Variants in TRPC4 observed in about 807,000 individuals in gnomAD.
TRPC4 encodes the protein short transient receptor potential channel 4.
TRPC4 carries 49 observed loss-of-function variants against 99.4 expected under a neutral mutation model. The observed-to-expected ratio is 0.49, with a 90% CI of 0.39 to 0.63. TRPC4 has a LOEUF of 0.63. TRPC4 is among the 20% of genes least tolerant of loss of function. The probability of loss-of-function intolerance (pLI) is 0.00; values close to 1 mark genes in which losing one functional copy is unlikely to be tolerated. For missense variants in TRPC4, 898 were observed against 1,152.9 expected, an observed-to-expected ratio of 0.78 and a Z score of 3.20; for synonymous variants, 454 against 425.9, an observed-to-expected ratio of 1.07 and a Z score of -0.81.
intron 3 of TRPC4, among the ~76,000 whole-genome samples, chr13:37,696,932 T>A (rs1490658514): frequency 6.6e-6 from 1 of 151,336 alleles, no homozygotes; most frequent in East Asian, 1.9e-4. Context: ...TTTTTTTTTT[T>A]TAAATCTTTT....
chr13:37,799,317 C>T (rs951064271), intron 1 of TRPC4, among the ~76,000 whole-genome samples: 6 of 152,056 alleles, frequency 3.9e-5, no homozygotes, highest in African/African-American at 1.4e-4. Context: ...CCAACTTGCC[C>T]GTTACTAATT....
intron 3 of TRPC4, among the ~76,000 whole-genome samples, chr13:37,742,075 A>G (rs898602722): frequency 2.6e-5 from 4 of 152,138 alleles, no homozygotes; most frequent in Non-Finnish European, 5.9e-5. Context: ...CTGCTAATAT[A>G]TGATCAGTAC....
chr13:37,800,462 G>T (rs2139428944), intron 1 of TRPC4, among the ~76,000 whole-genome samples: 1 of 152,238 alleles, frequency 6.6e-6, no homozygotes, highest in South Asian at 2.1e-4. Context: ...TAGGTTCATA[G>T]TTTACAAGAG....
chr13:37,729,026 A>G (rs1955158852), intron 3 of TRPC4, among the ~76,000 whole-genome samples: 1 of 152,138 alleles, frequency 6.6e-6, no homozygotes, highest in African/African-American at 2.4e-5. Context: ...TTAACTCAAA[A>G]TGAATCAAAG....
rs1334642600 is a variant in TRPC4 at position 37,745,528 on chromosome 13, G to GTA, written c.897+407_897+408dup. 3.8e-4 allele frequency among the ~76,000 whole-genome samples: 28 copies of GTA among 72,874 alleles called. 1 individual carries two copies. Among genetic ancestry groups the GTA allele is most frequent in the East Asian group, 7.6e-4 (1 of 1,324 alleles). 47.8% of individuals were successfully genotyped at this position (72,874 alleles called of 152,430 possible). ...TATATGTATATATATACGTATATAT[G>GTA]TATATATACGTATATATATATATAT... On this transcript the variant is annotated intron_variant, in intron 3 of 10. Transcript: ENST00000379705.
intron 4 of TRPC4, among the ~76,000 whole-genome samples, chr13:37,686,353 T>C (rs1406544698): frequency 2.6e-5 from 4 of 152,242 alleles, no homozygotes; most frequent in East Asian, 1.9e-4. Flanking sequence ...TATATGTGTC[T>C]GTATGTACCT....
At chr13:37,807,654 A>T (rs1957561523) in intron 1 of TRPC4, among the ~76,000 whole-genome samples, 1 of 152,068 alleles carries the variant, frequency 6.6e-6, no homozygotes, top group Non-Finnish European at 1.5e-5. Context: ...TCTAAAGCAT[A>T]AAGGGAATAA....
At chr13:37,798,462 T>C (rs1336973639) in intron 1 of TRPC4, among the ~76,000 whole-genome samples, 2 of 152,214 alleles carry the variant, frequency 1.3e-5, no homozygotes, top group Non-Finnish European at 2.9e-5. Context: ...AAATTATTTA[T>C]TCCTCAGGGG....
At chr13:37,837,020 A>G (rs1958585130) in intron 1 of TRPC4, among the ~76,000 whole-genome samples, 2 of 152,198 alleles carry the variant, frequency 1.3e-5, no homozygotes, top group Non-Finnish European at 2.9e-5. Context: ...AGCTCAGGCC[A>G]TGGCTTCACA....
At chr13:37,846,661 T>C (rs1037543020) in intron 1 of TRPC4, among the ~76,000 whole-genome samples, 3 of 149,662 alleles carry the variant, frequency 2.0e-5, no homozygotes, top group African/African-American at 7.4e-5. Context: ...AAAAAACATA[T>C]AAAATAATCA....
chr13:37,804,590 A>G (rs989825238), intron 1 of TRPC4, among the ~76,000 whole-genome samples: 33 of 152,252 alleles, frequency 2.2e-4, no homozygotes, highest in African/African-American at 7.2e-4. Flanking sequence ...TATTATTTTC[A>G]TGTCTCACTT....
chr13:37,867,683 A>G (rs1959854025), intron 1 of TRPC4, among the ~76,000 whole-genome samples: 1 of 152,230 alleles, frequency 6.6e-6, no homozygotes, highest in South Asian at 2.1e-4. Flanking sequence ...TAGTTATTAC[A>G]GTGAAGTTTA....
At chr13:37,640,317 G>C (rs1566060560) in intron 8 of TRPC4, among the ~76,000 whole-genome samples, 1 of 152,024 alleles carries the variant, frequency 6.6e-6, no homozygotes, top group Non-Finnish European at 1.5e-5. Context: ...ATATTGAAAA[G>C]AGCTGTGCCT....
At chr13:37,648,793 G>A (rs530652357) in intron 8 of TRPC4, among the ~76,000 whole-genome samples, 2 of 152,286 alleles carry the variant, frequency 1.3e-5, no homozygotes, top group African/African-American at 2.4e-5. Context: ...TCCTACCCAT[G>A]AGTCAACAGT....
intron 8 of TRPC4, among the ~76,000 whole-genome samples, chr13:37,646,631 C>T (rs1235009549): frequency 6.6e-6 from 1 of 152,170 alleles, no homozygotes; most frequent in East Asian, 1.9e-4. Context: ...GATACCAATG[C>T]TGTCTTGAAT....
intron 1 of TRPC4, among the ~76,000 whole-genome samples, chr13:37,813,920 T>TA (rs1366399929): frequency 6.6e-6 from 1 of 151,142 alleles, no homozygotes; most frequent in African/African-American, 2.4e-5. Flanking sequence ...TGAATAGAAA[T>TA]AAAAAAAGTC....
intron 3 of TRPC4, among the ~76,000 whole-genome samples, chr13:37,727,176 GTT>G (rs1955093168): frequency 6.6e-6 from 1 of 151,964 alleles, no homozygotes; most frequent in Non-Finnish European, 1.5e-5. Flanking sequence ...TAGACCACGT[GTT>G]AGGTCACAAA....
chr13:37,696,992 T>TGTC (rs1412120302), intron 3 of TRPC4, among the ~76,000 whole-genome samples: 2 of 151,850 alleles, frequency 1.3e-5, no homozygotes, highest in African/African-American at 2.4e-5. Flanking sequence ...TAAATGTCTC[T>TGTC]GTCTCTCTCT....
At chr13:37,769,757 T>G (rs1315836793) in intron 2 of TRPC4, among the ~76,000 whole-genome samples, 2 of 151,522 alleles carry the variant, frequency 1.3e-5, no homozygotes, top group Non-Finnish European at 3.0e-5. Context: ...ATATTCTGCA[T>G]CAGCATATTT....
Sources: gnomAD v4.1 joint callset for allele counts (sites outside exome capture counted in the v4.1 genomes callset) on GRCh38, gnomAD v4.1.1 for gene constraint, MANE v1.5 for transcripts, NCBI Gene and HGNC (gene_info 2026-07-23, HGNC 2026-07-21) for gene names.